GRM7: variants seen among roughly 807,000 people sequenced by gnomAD.
The protein encoded by GRM7 is glutamate metabotropic receptor 7.
A neutral mutation model predicts 84.5 loss-of-function variants in GRM7; 35 were observed. The ratio of observed to expected loss-of-function variants is 0.41; its 90% CI spans 0.32 to 0.55. The LOEUF (loss-of-function observed/expected upper bound fraction) is 0.55. GRM7 is among the 20% of genes least tolerant of loss of function. The pLI is 0.19. For synonymous variants in GRM7, 487 were observed against 455.1 expected (o/e 1.07, Z -0.89); for missense variants, 1,003 against 1,194.6 (o/e 0.84, Z 2.36).
chr3:7,651,139 A>G (rs1698918579), intron 8 of GRM7, among the ~76,000 whole-genome samples: 1 of 152,176 alleles, frequency 6.6e-6, no homozygotes, highest in Non-Finnish European at 1.5e-5. Context: ...GAGTTCAGGG[A>G]CCCAAAGGGT....
chr3:7,642,395 C>T (rs991341779), intron 8 of GRM7, among the ~76,000 whole-genome samples: 4 of 152,038 alleles, frequency 2.6e-5, no homozygotes, highest in Admixed American at 2.0e-4. Flanking sequence ...CTCTCATAGA[C>T]GAAATATTTC....
At chr3:6,925,619 T>C (rs1697271278) in intron 1 of GRM7, among the ~76,000 whole-genome samples, 1 of 152,220 alleles carries the variant, frequency 6.6e-6, no homozygotes. Flanking sequence ...AGGAATTCAC[T>C]CTATAAACCA....
intron 1 of GRM7, among the ~76,000 whole-genome samples, chr3:6,869,689 G>A (rs1695054759): frequency 6.6e-6 from 1 of 152,086 alleles, no homozygotes; most frequent in Admixed American, 6.6e-5. Flanking sequence ...ACACACACGT[G>A]CACAGAGAGA....
chr3:6,979,258 TG>T (rs1328644895), intron 1 of GRM7, among the ~76,000 whole-genome samples: 1 of 152,136 alleles, frequency 6.6e-6, no homozygotes, highest in African/African-American at 2.4e-5. Flanking sequence ...AGGTCAGCCA[TG>T]ATCATCTCAA....
chr3:7,332,215 C>T (rs970299906), intron 4 of GRM7, among the ~76,000 whole-genome samples: 1 of 152,142 alleles, frequency 6.6e-6, no homozygotes, highest in Non-Finnish European at 1.5e-5. Context: ...ATGTTTGGAA[C>T]TTACATAACT....
intron 7 of GRM7, among the ~76,000 whole-genome samples, chr3:7,488,998 A>G (rs1183110813): frequency 1.3e-5 from 2 of 152,082 alleles, no homozygotes; most frequent in Non-Finnish European, 2.9e-5. Flanking sequence ...ACAAGTAGTA[A>G]TTCTTACTTA....
At chr3:7,326,542 G>A (rs78163273) in intron 4 of GRM7, among the ~76,000 whole-genome samples, 3,866 of 152,114 alleles carry the variant, frequency 0.025, 146 homozygotes, top group African/African-American at 0.088. Context: ...CAGAAGCAAA[G>A]GACATTTAGA....
chr3:7,543,492 G>A (rs1559391960), intron 7 of GRM7, among the ~76,000 whole-genome samples: 1 of 152,178 alleles, frequency 6.6e-6, no homozygotes, highest in Non-Finnish European at 1.5e-5. Context: ...TCATCCTGAG[G>A]CCACGTTTTC....
At chr3:7,325,795 T>G (rs191582640) in intron 4 of GRM7, among the ~76,000 whole-genome samples, 186 of 152,312 alleles carry the variant, frequency 1.2e-3, no homozygotes, top group African/African-American at 4.4e-3. Flanking sequence ...ATACTTTTAT[T>G]CTTCCAATTG....
intron 4 of GRM7, among the ~76,000 whole-genome samples, chr3:7,379,224 G>A (rs753878964): frequency 2.0e-4 from 31 of 151,900 alleles, no homozygotes; most frequent in Non-Finnish European, 2.9e-4. Flanking sequence ...AGGCACCTAC[G>A]GCCATGCCAA....
intron 2 of GRM7, among the ~76,000 whole-genome samples, chr3:7,187,485 G>A (rs1047400877): frequency 3.3e-5 from 5 of 152,146 alleles, no homozygotes; most frequent in African/African-American, 1.2e-4. Flanking sequence ...GTTCTTTGAG[G>A]CTTTGCCCAG....
chr3:7,000,435 C>T (rs1179804679), intron 1 of GRM7, among the ~76,000 whole-genome samples: 2 of 152,110 alleles, frequency 1.3e-5, no homozygotes, highest in Non-Finnish European at 2.9e-5. Flanking sequence ...GATCCACCTG[C>T]CTTGACCTTC....
intron 9 of GRM7, among the ~76,000 whole-genome samples, chr3:7,728,433 C>G (rs1702205754): frequency 6.6e-6 from 1 of 152,130 alleles, no homozygotes; most frequent in Non-Finnish European, 1.5e-5. Flanking sequence ...TTTGTTGTAA[C>G]TGAAAGGTAA....
chr3:6,898,106 C>A (rs73124757), intron 1 of GRM7, among the ~76,000 whole-genome samples: 8,058 of 152,174 alleles, frequency 0.053, 309 homozygotes, highest in East Asian at 0.2. Context: ...TTAGGCCATG[C>A]GAGACATCCA....
chr3:7,490,441 G>A (rs1699478538), intron 7 of GRM7, among the ~76,000 whole-genome samples: 2 of 152,140 alleles, frequency 1.3e-5, no homozygotes, highest in African/African-American at 2.4e-5. Flanking sequence ...TCCAGAATGG[G>A]ATGCAATTCA....
chr3:7,007,203 G>A (rs1398026389), intron 1 of GRM7, among the ~76,000 whole-genome samples: 5 of 152,290 alleles, frequency 3.3e-5, no homozygotes, highest in Admixed American at 6.5e-5. Context: ...AACAACTGCT[G>A]TAGGTCCTTC....
At chr3:7,234,904 T>C (rs1479728750) in intron 2 of GRM7, among the ~76,000 whole-genome samples, 1 of 152,210 alleles carries the variant, frequency 6.6e-6, no homozygotes, top group African/African-American at 2.4e-5. Flanking sequence ...TTAAACTCAT[T>C]AAAGTTTTTC....
chr3:7,714,609 T>C (rs529524955), intron 9 of GRM7, among the ~76,000 whole-genome samples: 6 of 152,224 alleles, frequency 3.9e-5, no homozygotes, highest in Middle Eastern at 3.4e-3. Flanking sequence ...ACATTACAGT[T>C]TGAAACATGC....
chr3:7,567,733 G>T (rs1694377388), intron 7 of GRM7, among the ~76,000 whole-genome samples: 1 of 109,276 alleles, frequency 9.2e-6, no homozygotes, highest in Admixed American at 1.3e-4. Flanking sequence ...GGGTGACAGA[G>T]TGAGACTCCA....
Sources: allele counts gnomAD v4.1 joint callset (sites outside exome capture counted in the v4.1 genomes callset), GRCh38; gene constraint gnomAD v4.1.1; transcripts MANE v1.5; gene names NCBI Gene and HGNC (gene_info 2026-07-23, HGNC 2026-07-21).